The following RANBP2 variants were observed in gnomAD, a reference collection of about 807,000 sequenced individuals.
The protein encoded by RANBP2 is E3 SUMO-protein ligase RanBP2.
A neutral mutation model predicts 303.6 loss-of-function variants in RANBP2; 57 were observed. The ratio of observed to expected loss-of-function variants is 0.19; its 90% confidence interval spans 0.15 to 0.23. The LOEUF is 0.23. Ranked by LOEUF, RANBP2 falls within the 10% of genes least tolerant of loss-of-function variation. RANBP2 has a pLI of 1.00. For missense variants in RANBP2, 3,138 were observed against 3,780.8 expected (o/e 0.83, Z 4.46); for synonymous variants, 1,167 against 1,301.5 (o/e 0.90, Z 2.23).
At chr2:109,454,817 G>T in the RANBP2 span, among the ~76,000 whole-genome samples, 1 of 151,918 alleles carries the variant, frequency 6.6e-6, no homozygotes, top group Non-Finnish European at 1.5e-5. Flanking sequence ...GACAACCCCA[G>T]CCCATAGAAG....
At chr2:109,132,604 T>C in the RANBP2 span, among the ~76,000 whole-genome samples, 6 of 152,210 alleles carry the variant, frequency 3.9e-5, no homozygotes, top group Admixed American at 2.6e-4. Flanking sequence ...GAGTTGGTCT[T>C]TTTATTTGCC....
At chr2:109,018,418 C>T in the RANBP2 span, among the ~76,000 whole-genome samples, 1 of 152,214 alleles carries the variant, frequency 6.6e-6, no homozygotes, top group Non-Finnish European at 1.5e-5. Flanking sequence ...TACACCCTAC[C>T]CTGCAGCCAG....
the RANBP2 span, among the ~76,000 whole-genome samples, chr2:109,661,269 C>G: frequency 6.9e-5 from 10 of 144,946 alleles, no homozygotes; most frequent in East Asian, 2.0e-3. Flanking sequence ...TTTTCTGAGA[C>G]GGAGTTTCAC....
chr2:109,563,815 T>C, the RANBP2 span, among the ~76,000 whole-genome samples: 2 of 152,192 alleles, frequency 1.3e-5, no homozygotes, highest in Non-Finnish European at 2.9e-5. Context: ...GAAAATGTTT[T>C]AGTTTATTTT....
the RANBP2 span, among the ~76,000 whole-genome samples, chr2:109,063,466 A>G: frequency 6.6e-6 from 1 of 152,156 alleles, no homozygotes; most frequent in South Asian, 2.1e-4. Context: ...AAACGAGCGC[A>G]TGGAGGATGA....
the RANBP2 span, among the ~76,000 whole-genome samples, chr2:109,272,115 G>A: frequency 6.6e-6 from 1 of 152,268 alleles, no homozygotes; most frequent in Non-Finnish European, 1.5e-5. Context: ...TCTGCCTCTG[G>A]CCAGCTGTCG....
chr2:108,743,747 A>G (rs752377434), intron 7 of RANBP2, among the ~76,000 whole-genome samples: 3 of 152,220 alleles, frequency 2.0e-5, no homozygotes, highest in Non-Finnish European at 2.9e-5. Context: ...TTGTGCCTCA[A>G]TGTGGGTGTG....
the RANBP2 span, chr2:109,490,821 G>A: frequency 3.3e-6 from 5 of 1,536,990 alleles, no homozygotes; most frequent in Non-Finnish European, 4.4e-6. Context: ...CATGGGGATG[G>A]AGCCTCTGCA....
At chr2:108,866,105 T>C in the RANBP2 span, among the ~76,000 whole-genome samples, 1 of 152,208 alleles carries the variant, frequency 6.6e-6, no homozygotes, top group Non-Finnish European at 1.5e-5. Flanking sequence ...CCTACTGGGA[T>C]GCAGGAGCCT....
At chr2:109,479,840 C>G in the RANBP2 span, among the ~76,000 whole-genome samples, 13 of 152,254 alleles carry the variant, frequency 8.5e-5, no homozygotes, top group Admixed American at 3.9e-4. Context: ...ATGAAGACCC[C>G]GGGACTCACT....
chr2:109,010,979 C>T, the RANBP2 span, among the ~76,000 whole-genome samples: 1 of 152,192 alleles, frequency 6.6e-6, no homozygotes, highest in African/African-American at 2.4e-5. Context: ...TACATGGCTG[C>T]TGCTTCACCT....
At chr2:108,892,814 T>C in the RANBP2 span, among the ~76,000 whole-genome samples, 4 of 152,216 alleles carry the variant, frequency 2.6e-5, no homozygotes, top group Non-Finnish European at 5.9e-5. Flanking sequence ...CTTGTCTCCC[T>C]TCTCCTTCCC....
chr2:108,943,037 A>G, the RANBP2 span, among the ~76,000 whole-genome samples: 1 of 152,324 alleles, frequency 6.6e-6, no homozygotes, highest in South Asian at 2.1e-4. Context: ...AGGGCTATAA[A>G]TAACCATTAC....
the RANBP2 span, among the ~76,000 whole-genome samples, chr2:109,593,695 C>T: frequency 6.6e-6 from 1 of 152,052 alleles, no homozygotes; most frequent in Non-Finnish European, 1.5e-5. Flanking sequence ...TGAGCCACCA[C>T]GCCTGGCCTT....
chr2:109,359,099 G>T, the RANBP2 span, among the ~76,000 whole-genome samples: 2 of 152,010 alleles, frequency 1.3e-5, no homozygotes, highest in African/African-American at 4.8e-5. Flanking sequence ...ATTTATGTGG[G>T]TTTATTTCTG....
the RANBP2 span, among the ~76,000 whole-genome samples, chr2:109,385,951 C>T: frequency 6.6e-6 from 1 of 152,182 alleles, no homozygotes; most frequent in Admixed American, 6.5e-5. Flanking sequence ...CATCTGTTCA[C>T]CTGTTTTTAA....
chr2:109,572,546 T>C, the RANBP2 span, among the ~76,000 whole-genome samples: 7 of 151,252 alleles, frequency 4.6e-5, no homozygotes, highest in East Asian at 1.4e-3. Flanking sequence ...AGCCATGTCC[T>C]AACCCCTCTT....
chr2:109,720,962 C>A, the RANBP2 span, among the ~76,000 whole-genome samples: 13 of 152,292 alleles, frequency 8.5e-5, no homozygotes, highest in South Asian at 2.3e-3. Context: ...AGCTCAGCAG[C>A]CTTGCTCACC....
chr2:108,929,454 G>C, the RANBP2 span: 1 of 1,482,862 alleles, frequency 6.7e-7, no homozygotes, highest in Non-Finnish European at 9.4e-7. Flanking sequence ...CACAGTCCTT[G>C]GGCAGTGACG....
Sources: allele counts gnomAD v4.1 joint callset (sites outside exome capture counted in the v4.1 genomes callset), GRCh38; gene constraint gnomAD v4.1.1; transcripts MANE v1.5; gene names NCBI Gene and HGNC (gene_info 2026-07-23, HGNC 2026-07-21).